MACROD2: variants seen among roughly 807,000 people sequenced by gnomAD.
The protein encoded by MACROD2 is ADP-ribose glycohydrolase MACROD2.
In MACROD2, 36 loss-of-function variants were observed where a neutral mutation model predicts 70.4. The observed-to-expected ratio is 0.51, with a 90% CI of 0.39 to 0.68. The LOEUF is 0.68. Ranked by LOEUF, MACROD2 falls within the 30% of genes least tolerant of loss-of-function variation. The pLI is 0.00. For synonymous variants in MACROD2, 172 were observed against 178.8 expected, an observed-to-expected ratio of 0.96 and a Z score of 0.30; for missense variants, 496 against 538.4, an observed-to-expected ratio of 0.92 and a Z score of 0.78.
intron 5 of MACROD2, among the ~76,000 whole-genome samples, chr20:14,862,187 A>ATAAATATATG (rs1568839394): frequency 3.3e-4 from 3 of 9,190 alleles, no homozygotes; most frequent in Non-Finnish European, 6.0e-4. Flanking sequence ...ATAAATATAT[A>ATAAATATATG]TTTATACATA....
intron 5 of MACROD2, among the ~76,000 whole-genome samples, chr20:14,785,929 G>C (rs1034373221): frequency 3.9e-5 from 6 of 152,122 alleles, no homozygotes; most frequent in Middle Eastern, 3.4e-3. Flanking sequence ...AAAGGACAAT[G>C]CTTCTTCAGT....
At chr20:14,245,453 C>T (rs189995106) in intron 3 of MACROD2, among the ~76,000 whole-genome samples, 469 of 152,156 alleles carry the variant, frequency 3.1e-3, no homozygotes, top group African/African-American at 0.011. Flanking sequence ...ATATTCATTC[C>T]CATTCTTCAG....
At chr20:14,224,398 T>C (rs892596318) in intron 3 of MACROD2, among the ~76,000 whole-genome samples, 2 of 152,204 alleles carry the variant, frequency 1.3e-5, no homozygotes, top group African/African-American at 4.8e-5. Flanking sequence ...AGCTTCAGTC[T>C]TGTCAACATT....
chr20:14,565,388 A>G (rs1416490609), intron 4 of MACROD2, among the ~76,000 whole-genome samples: 1 of 151,852 alleles, frequency 6.6e-6, no homozygotes, highest in Non-Finnish European at 1.5e-5. Flanking sequence ...CACTTTCATC[A>G]CCACAAGGAT....
chr20:15,687,860 C>A (rs975778120), intron 8 of MACROD2, among the ~76,000 whole-genome samples: 1 of 152,136 alleles, frequency 6.6e-6, no homozygotes, highest in East Asian at 1.9e-4. Flanking sequence ...TTCAGCTTTC[C>A]TCTTTTTTTG....
chr20:16,015,963 G>A (rs1182532002), intron 15 of MACROD2, among the ~76,000 whole-genome samples: 1 of 151,972 alleles, frequency 6.6e-6, no homozygotes, highest in African/African-American at 2.4e-5. Flanking sequence ...AGGTGTGAGG[G>A]TGTGAGGGAA....
intron 6 of MACROD2, among the ~76,000 whole-genome samples, chr20:15,366,824 G>T (rs1356727669): frequency 1.3e-5 from 2 of 151,630 alleles, no homozygotes; most frequent in African/African-American, 4.8e-5. Flanking sequence ...ACCTCCCAGT[G>T]TGCTGACATG....
chr20:14,199,711 A>G (rs561959915), intron 3 of MACROD2, among the ~76,000 whole-genome samples: 1 of 152,288 alleles, frequency 6.6e-6, no homozygotes, highest in African/African-American at 2.4e-5. Context: ...AAATGACTGC[A>G]TATAATTTTA....
At chr20:14,173,997 A>T (rs1361714120) in intron 3 of MACROD2, among the ~76,000 whole-genome samples, 2 of 152,150 alleles carry the variant, frequency 1.3e-5, no homozygotes, top group East Asian at 3.9e-4. Flanking sequence ...TCAACCATGG[A>T]TACCAGCACC....
chr20:15,039,394 G>T (rs577216907), intron 5 of MACROD2, among the ~76,000 whole-genome samples: 2 of 152,142 alleles, frequency 1.3e-5, no homozygotes, highest in South Asian at 2.1e-4. Flanking sequence ...AGGTTTTATG[G>T]CTTTCTTTGG....
intron 5 of MACROD2, among the ~76,000 whole-genome samples, chr20:14,715,315 T>C (rs1325305163): frequency 6.6e-6 from 1 of 152,210 alleles, no homozygotes; most frequent in East Asian, 1.9e-4. Flanking sequence ...TAGGTGGGGA[T>C]TATGGGAACT....
Position 13,995,685 on chromosome 20 carries a change from C to CCCTCCCACT in MACROD2, c.-76_-68dup, listed in dbSNP as rs2052626690. 3.7e-6 allele frequency: 4 copies of CCCTCCCACT among 1,088,820 alleles called. No homozygotes were observed. Among genetic ancestry groups the CCCTCCCACT allele is most frequent in the Non-Finnish European group, 5.6e-6 (4 of 709,462 alleles). The allele number at this position is 1,088,820 out of a possible 1,614,324, so 67.4% of individuals were successfully genotyped here. ...TTCCCTGCTGAGTGCCCCCTCCCAC[C>CCCTCCCACT]CCTCCCACTCCACACACACCCTGTT... is the stretch of plus-strand genomic sequence containing the variant. On this transcript the variant is annotated 5_prime_UTR_variant, in exon 1 of 18. Transcript: ENST00000684519. The surrounding 1 kb of genome is among the most constrained non-coding windows in gnomAD (Gnocchi z 4.3).
intron 5 of MACROD2, among the ~76,000 whole-genome samples, chr20:14,786,036 A>G (rs2072366828): frequency 6.6e-6 from 1 of 152,132 alleles, no homozygotes; most frequent in Non-Finnish European, 1.5e-5. Flanking sequence ...GAAGGGAAGA[A>G]TGGCTATCAA....
At position 15,804,282 on chromosome 20, in the gene MACROD2, C is replaced by T. The variant is rs877270; in HGVS notation, c.646-58463C>T. On this transcript the variant is annotated intron_variant, in intron 8 of 17. Transcript: ENST00000684519. ...AGAGTCCTAAAAACTGGCTTGGTCA[C>T]CAAAGCAATACAAATGCTGTCCTTA... is the stretch of plus-strand genomic sequence containing the variant. Among the ~76,000 whole-genome samples, 3 of 152,136 alleles carry T rather than the reference C, an allele frequency of 2.0e-5. 1 individual carries two copies. In the East Asian group the frequency reaches 5.8e-4, roughly 29 times the overall value.
intron 5 of MACROD2, among the ~76,000 whole-genome samples, chr20:14,826,142 C>A (rs1188320576): frequency 6.6e-6 from 1 of 151,810 alleles, no homozygotes; most frequent in Non-Finnish European, 1.5e-5. Flanking sequence ...AGGAGAAATT[C>A]ATTGAATATA....
chr20:14,945,269 G>GT (rs1477109765), intron 5 of MACROD2, among the ~76,000 whole-genome samples: 1 of 151,736 alleles, frequency 6.6e-6, no homozygotes, highest in African/African-American at 2.4e-5. Context: ...ATAGAGCTGG[G>GT]TTTTCATCAT....
chr20:14,621,638 AGT>A (rs1376241843), intron 4 of MACROD2: 2 of 152,174 alleles, frequency 1.3e-5, no homozygotes, highest in Non-Finnish European at 2.9e-5. Context: ...ATTTTCCCAC[AGT>A]GTTTGCTTCA....
chr20:14,018,958 T>C (rs1198902000), intron 2 of MACROD2, among the ~76,000 whole-genome samples: 1 of 152,150 alleles, frequency 6.6e-6, no homozygotes, highest in Non-Finnish European at 1.5e-5. Context: ...AGAGTGACTA[T>C]GAGGGGAGAC....
At chr20:15,502,038 A>G (rs2047371323) in intron 8 of MACROD2, among the ~76,000 whole-genome samples, 2 of 152,228 alleles carry the variant, frequency 1.3e-5, no homozygotes, top group African/African-American at 4.8e-5. Context: ...TTCCAGGGAC[A>G]GAGCACTGAA....
Sources: gnomAD v4.1 joint callset for allele counts (sites outside exome capture counted in the v4.1 genomes callset) on GRCh38, gnomAD v4.1.1 for gene constraint, Gnocchi (gnomAD v3.1) non-coding constraint, MANE v1.5 for transcripts, NCBI Gene and HGNC (gene_info 2026-07-23, HGNC 2026-07-21) for gene names.